SLC9A5: variants seen among roughly 807,000 people sequenced by gnomAD.
SLC9A5 encodes solute carrier family 9 member A5.
Under a neutral mutation model 91.7 loss-of-function variants are expected in SLC9A5, and 52 were observed. The observed-to-expected ratio is 0.57, with a 90% confidence interval of 0.45 to 0.71. The LOEUF (loss-of-function observed/expected upper bound fraction) is 0.71. Among genes scored for constraint, SLC9A5 ranks in the 30% least tolerant of loss-of-function variants. The probability of loss-of-function intolerance (pLI) is 0.00; values close to 1 mark genes in which losing one functional copy is unlikely to be tolerated. For synonymous variants in SLC9A5, 419 were observed against 474.5 expected (o/e 0.88, Z 1.52); for missense variants, 871 against 1,158.9 (o/e 0.75, Z 3.61).
At chr16:67,265,257 ATGT>A in intron 14 of SLC9A5, 151 bp downstream of exon 14, 1 of 691,660 alleles carries the variant, frequency 1.4e-6, no homozygotes, top group Non-Finnish European at 2.5e-6. Context: ...CAAGTTGGAA[ATGT>A]TCAAAGCAGT....
rs372419102 is a variant in SLC9A5 at position 67,255,182 on chromosome 16, G to A, written c.652G>A (p.Val218Met). 7 of 1,612,634 alleles carry A rather than the reference G, an allele frequency of 4.3e-6. No individual in the cohort carries two copies. Among genetic ancestry groups the A allele is most frequent in the Admixed American group, 1.7e-5 (1 of 59,944 alleles). The part of the protein sequence containing the change: ...GESLLNDAVT[V>M]VLYKVCNSFV... ...GTCCCTGCTCAACGATGCTGTCACC[G>A]TGGTGAGCGTGCTCAGCTGACTGCC... is the stretch of plus-strand genomic sequence containing the variant. Residue 218 changes from valine (V) to methionine (M), a missense_variant and splice_region_variant, in exon 3 of 16, where the codon GTG (valine) becomes ATG (methionine). Physicochemically the swap from Val to Met is conservative, Grantham distance 21. Around this residue, in one of 3 missense-constraint regions of SLC9A5, gnomAD observed 454 missense variants for 718.3 expected, o/e 0.63. Coordinates refer to ENST00000299798, the MANE Select transcript of SLC9A5 (RefSeq NM_004594.3). The surrounding 1 kb of genome is among the most constrained non-coding windows in gnomAD (Gnocchi z 4.9).
chr16:67,259,682 C>G (rs773954927), intron 11 of SLC9A5, 21 bp downstream of exon 11: 8 of 1,610,768 alleles, frequency 5.0e-6, no homozygotes, highest in Non-Finnish European at 6.8e-6. Context: ...GAGCCCCTTC[C>G]CCTTCCTCAT....
chr16:67,264,162 A>G (rs977618802), intron 12 of SLC9A5, among the ~76,000 whole-genome samples, 190 bp from the exon 13 acceptor site: 1 of 152,250 alleles, frequency 6.6e-6, no homozygotes, highest in African/African-American at 2.4e-5. Context: ...AGCTTTTCCC[A>G]GGGAACTGAG....
rs922550310 is a variant in SLC9A5 at position 67,271,580 on chromosome 16, T to G, written c.*370T>G. 1 of 236,664 alleles carries G rather than the reference T, an allele frequency of 4.2e-6. No homozygotes were observed. Among genetic ancestry groups the G allele is most frequent in the African/African-American group, 2.2e-5 (1 of 45,036 alleles). The allele number at this position is 236,664 out of a possible 1,614,324, so 14.7% of individuals were successfully genotyped here. On this transcript the variant is annotated 3_prime_UTR_variant, in exon 16 of 16. Transcript: ENST00000299798. The stretch of plus-strand genomic sequence containing the variant: ...CGCAAAGCAAGAGCATCATTCCTAT[T>G]CTTCAGTGGATGCCAGCCTTCCCTG...
At chr16:67,264,560 G>A in intron 13 of SLC9A5, 38 bp downstream of exon 13, 1 of 1,609,036 alleles carries the variant, frequency 6.2e-7, no homozygotes, top group Non-Finnish European at 8.5e-7. Flanking sequence ...GGGAGCTGGA[G>A]GCTGACAGCA....
At chr16:67,265,550 C>G (rs1479291142) in intron 14 of SLC9A5, among the ~76,000 whole-genome samples, 2 of 152,204 alleles carry the variant, frequency 1.3e-5, no homozygotes, top group African/African-American at 4.8e-5. Flanking sequence ...TCCCAAGTAG[C>G]TGGGATTACA....
intron 14 of SLC9A5, 137 bp downstream of exon 14, chr16:67,265,243 T>C (rs554437842): frequency 4.7e-5 from 35 of 743,222 alleles, no homozygotes; most frequent in Non-Finnish European, 7.8e-5. Flanking sequence ...AGGGACTTGA[T>C]TTCCAAGTTG....
In SLC9A5 at chr16:67,255,301, C is replaced by A; in HGVS notation, c.655-92C>A. On this transcript the variant is annotated intron_variant, in intron 3 of 15. Coordinates refer to ENST00000299798, the MANE Select transcript of SLC9A5 (RefSeq NM_004594.3). The surrounding 1 kb of genome is among the most constrained non-coding windows in gnomAD (Gnocchi z 4.9). ...GTCCCCTGGGGCAGAAATATGCTGT[C>A]TGCTTTCACCCTGCTCTCCCAGCAG... is the stretch of plus-strand genomic sequence containing the variant. The A allele has an allele frequency of 6.6e-7, 1 of 1,523,734 alleles. No homozygotes were observed. Among genetic ancestry groups the A allele is most frequent in the Non-Finnish European group, 9.0e-7 (1 of 1,110,200 alleles). 94.4% of individuals were successfully genotyped at this position (1,523,734 alleles called of 1,614,324 possible).
chr16:67,265,002 C>T (rs374070234), intron 13 of SLC9A5, 38 bp from the exon 14 acceptor site: 30 of 1,610,562 alleles, frequency 1.9e-5, no homozygotes, highest in Admixed American at 6.7e-5. Flanking sequence ...GGTGGGAAGC[C>T]GGGGCCAGAG....
Position 67,256,412 on chromosome 16 carries a change from G to A in SLC9A5, c.912-57G>A, listed in dbSNP as rs2035319726. The A allele has an allele frequency of 8.0e-7, 1 of 1,244,532 alleles. No homozygotes were observed. The highest frequency in any genetic ancestry group is 1.5e-5 in the African/African-American group (1 of 68,108). 77.1% of individuals were successfully genotyped at this position (1,244,532 alleles called of 1,614,324 possible). The stretch of plus-strand genomic sequence containing the variant: ...CCTCCTGCAGTATGCTCAAACCCTG[G>A]AGGCTGAGCCCCCTGGAACCCTTCC... On this transcript the variant is annotated intron_variant, in intron 5 of 15. Transcript: ENST00000299798. This position sits in a 1 kb window ranked among gnomAD's most constrained non-coding sequence, Gnocchi z 4.1.
rs1012834060 is a variant in SLC9A5 at position 67,256,311 on chromosome 16, A to G, written c.912-158A>G. ...GCCTGGAGATCTGGACTCTTAGCCCAGCACTACCATTCAAGTCTTCAGGCC... is the reference window on the plus strand; with the variant it reads ...GCCTGGAGATCTGGACTCTTAGCCCGGCACTACCATTCAAGTCTTCAGGCC... On this transcript the variant is annotated intron_variant, in intron 5 of 15. Coordinates refer to ENST00000299798, the MANE Select transcript of SLC9A5 (RefSeq NM_004594.3). This position sits in a 1 kb window ranked among gnomAD's most constrained non-coding sequence, Gnocchi z 4.1. Among the ~76,000 whole-genome samples, 1 of 152,204 alleles carries G rather than the reference A, an allele frequency of 6.6e-6. No homozygotes were observed. The highest frequency in any genetic ancestry group is 2.4e-5 in the African/African-American group (1 of 41,452).
Position 67,257,457 on chromosome 16 carries a change from T to C in SLC9A5, c.1425+23T>C. 1 of 1,613,626 alleles carries C rather than the reference T, an allele frequency of 6.2e-7. No homozygotes were observed. ...CACGTGGGTATCAGAACCCCAGCCC[T>C]CGCCTGTCCCTCTCGACCTTCTCCT... is the stretch of plus-strand genomic sequence containing the variant. On this transcript the variant is annotated intron_variant, in intron 8 of 15. Transcript: ENST00000299798. The surrounding 1 kb of genome is among the most constrained non-coding windows in gnomAD (Gnocchi z 5.1).
In SLC9A5 at chr16:67,256,907, G is replaced by T. The variant is rs750516032; in HGVS notation, c.1133-4G>T. ...TGCTCCCACTGGCCTCCCTCCCGCT[G>T]TAGGCGTAGTCCTGCAGACCTGGGT... On this transcript the variant is annotated splice_region_variant and splice_polypyrimidine_tract_variant and intron_variant, in intron 6 of 15. Coordinates refer to ENST00000299798, the MANE Select transcript of SLC9A5 (RefSeq NM_004594.3). This position sits in a 1 kb window ranked among gnomAD's most constrained non-coding sequence, Gnocchi z 4.1. The T allele has an allele frequency of 6.2e-7, 1 of 1,613,432 alleles. No homozygotes were observed. Among genetic ancestry groups the T allele is most frequent in the Non-Finnish European group, 8.5e-7 (1 of 1,179,916 alleles).
chr16:67,266,063 T>C, intron 14 of SLC9A5, 25 bp from the exon 15 acceptor site: 1 of 1,608,704 alleles, frequency 6.2e-7, no homozygotes, highest in Non-Finnish European at 8.5e-7. Flanking sequence ...CCAGGATGCC[T>C]GACTCTGCTC....
intron 15 of SLC9A5, among the ~76,000 whole-genome samples, chr16:67,268,604 A>T (rs926509920): frequency 7.4e-6 from 1 of 135,044 alleles, no homozygotes; most frequent in Non-Finnish European, 1.6e-5. Flanking sequence ...TGTAACCACA[A>T]TGCCTTTCCC....
intron 2 of SLC9A5, among the ~76,000 whole-genome samples, chr16:67,253,366 G>A (rs1168965752): frequency 6.6e-6 from 1 of 151,782 alleles, no homozygotes; most frequent in East Asian, 1.9e-4. Context: ...ATCAAATGCT[G>A]GCACTACACT....
Position 67,255,489 on chromosome 16 carries a change from C to T in SLC9A5, c.733+18C>T, listed in dbSNP as rs2035279640. The T allele has an allele frequency of 6.2e-7, 1 of 1,612,862 alleles. No individual in the cohort carries two copies. Among genetic ancestry groups the T allele is most frequent in the African/African-American group, 1.3e-5 (1 of 74,920 alleles). On this transcript the variant is annotated intron_variant, in intron 4 of 15. Coordinates refer to ENST00000299798, the MANE Select transcript of SLC9A5 (RefSeq NM_004594.3). This position sits in a 1 kb window ranked among gnomAD's most constrained non-coding sequence, Gnocchi z 4.9. ...GGGAGTCGGTCAGTATTTCCCCGCT[C>T]CCAGCTGGCATTGGAGGTCTGCCTC...
Position 67,256,704 on chromosome 16 carries a change from C to G in SLC9A5, c.1132+15C>G, listed in dbSNP as rs752994130. 22 of 1,590,320 alleles carry G rather than the reference C, an allele frequency of 1.4e-5. No individual in the cohort carries two copies. Among genetic ancestry groups the G allele is most frequent in the Non-Finnish European group, 1.6e-5 (19 of 1,161,214 alleles). On this transcript the variant is annotated intron_variant, in intron 6 of 15. Transcript: ENST00000299798. This position sits in a 1 kb window ranked among gnomAD's most constrained non-coding sequence, Gnocchi z 4.1. ...CCGAGCCCTCGGTATTGCTGGCACC[C>G]TCTGCTTTCCCACTCTCCTTCCTGT...
In SLC9A5 at chr16:67,256,338, C is replaced by G. The variant is rs1048885863; in HGVS notation, c.912-131C>G. On this transcript the variant is annotated intron_variant, in intron 5 of 15. Coordinates refer to ENST00000299798, the MANE Select transcript of SLC9A5 (RefSeq NM_004594.3). This position sits in a 1 kb window ranked among gnomAD's most constrained non-coding sequence, Gnocchi z 4.1. ...CACTACCATTCAAGTCTTCAGGCCT[C>G]CCTGGGCTTCAGCTCTGAGAGTCTG... is the stretch of plus-strand genomic sequence containing the variant. The G allele has an allele frequency of 4.4e-6, 3 of 674,896 alleles. No individual in the cohort carries two copies. In the African/African-American group the frequency reaches 5.3e-5, roughly 12 times the overall value. The allele number at this position is 674,896 out of a possible 1,614,324, so 41.8% of individuals were successfully genotyped here. A position where few individuals can be genotyped will look rare whatever the true frequency, so the allele number is the denominator to read the frequency against.
Sources: gnomAD v4.1 joint callset for allele counts (sites outside exome capture counted in the v4.1 genomes callset) on GRCh38, gnomAD v4.1.1 for gene constraint, gnomAD v4.1.1 regional missense constraint, Gnocchi (gnomAD v3.1) non-coding constraint, MANE v1.5 for transcripts, NCBI Gene and HGNC (gene_info 2026-07-23, HGNC 2026-07-21) for gene names.